The following GUCY1A2 variants were observed in gnomAD, a reference collection of about 807,000 sequenced individuals.
GUCY1A2 encodes the protein guanylate cyclase 1 soluble subunit alpha 2, also known as guanylate cyclase soluble subunit alpha-2.
In GUCY1A2, 27 loss-of-function variants were observed where a neutral mutation model predicts 63.5. The ratio of observed to expected loss-of-function variants is 0.43; its 90% CI spans 0.31 to 0.59. GUCY1A2 has a LOEUF of 0.59. Ranked by LOEUF, GUCY1A2 falls within the 20% of genes least tolerant of loss-of-function variation. The probability of loss-of-function intolerance (pLI) is 0.11; values close to 1 mark genes in which losing one functional copy is unlikely to be tolerated. For missense variants in GUCY1A2, 768 were observed against 913.3 expected (o/e 0.84, Z 2.05); for synonymous variants, 364 against 343.5 (o/e 1.06, Z -0.66).
chr11:106,798,861 G>C (rs1400862878), intron 5 of GUCY1A2, among the ~76,000 whole-genome samples: 7 of 151,964 alleles, frequency 4.6e-5, no homozygotes, highest in Admixed American at 4.6e-4. Context: ...GCACAAGACA[G>C]GGATGCCCTC....
chr11:106,854,687 T>C (rs1859403613), intron 4 of GUCY1A2, among the ~76,000 whole-genome samples: 1 of 151,842 alleles, frequency 6.6e-6, no homozygotes, highest in South Asian at 2.1e-4. Context: ...CAGCTATGAG[T>C]GGGGCAGGCC....
At chr11:106,777,034 G>GTTCT (rs1387638635) in intron 5 of GUCY1A2, among the ~76,000 whole-genome samples, 52 of 152,190 alleles carry the variant, frequency 3.4e-4, no homozygotes, top group African/African-American at 1.2e-3. Context: ...CGTCAGGTCT[G>GTTCT]TTCTTTCTTA....
At chr11:106,951,892 C>A (rs762124507) in intron 3 of GUCY1A2, among the ~76,000 whole-genome samples, 1 of 152,176 alleles carries the variant, frequency 6.6e-6, no homozygotes, top group Admixed American at 6.6e-5. Flanking sequence ...AGTCTTCAAT[C>A]CATCTTGAGT....
In GUCY1A2 at chr11:106,914,143, G is replaced by T. The variant is rs1312052096; in HGVS notation, c.1206+25317C>A. Reference sequence around the variant, plus strand: ...GGCAAGTAAAACAAGCAACTGTGTAGTAAGTATATTACACTGAATACTATG... The same window carrying T: ...GGCAAGTAAAACAAGCAACTGTGTATTAAGTATATTACACTGAATACTATG... On this transcript the variant is annotated intron_variant, in intron 4 of 7. Coordinates refer to ENST00000526355, the MANE Select transcript of GUCY1A2 (RefSeq NM_000855.3). 2.6e-5 allele frequency among the ~76,000 whole-genome samples: 4 copies of T among 151,990 alleles called. No individual in the cohort carries two copies. The East Asian group carries it at 5.8e-4, about 22-fold the overall frequency.
At chr11:106,759,119 C>A (rs1344098531) in intron 6 of GUCY1A2, among the ~76,000 whole-genome samples, 1 of 149,444 alleles carries the variant, frequency 6.7e-6, no homozygotes, top group African/African-American at 2.5e-5. Flanking sequence ...ACCCATGTAA[C>A]AAACATGCAC....
chr11:106,725,951 C>T (rs1194412512), intron 6 of GUCY1A2, among the ~76,000 whole-genome samples: 1 of 151,926 alleles, frequency 6.6e-6, no homozygotes, highest in Non-Finnish European at 1.5e-5. Context: ...AAAAGTAGAT[C>T]TTACCCATTG....
rs186471890 is a variant in GUCY1A2 at position 106,769,895 on chromosome 11, A to C, written c.1836+6544T>G. On this transcript the variant is annotated intron_variant, in intron 6 of 7. Transcript: ENST00000526355. Reference sequence around the variant, plus strand: ...AATCTCAATGTGATTAAAAAGTACTAACTTGAGTTTTATAAATAAATAATT... The same window carrying C: ...AATCTCAATGTGATTAAAAAGTACTCACTTGAGTTTTATAAATAAATAATT... Among the ~76,000 whole-genome samples, 129 of 152,252 alleles carry C rather than the reference A, an allele frequency of 8.5e-4. 3 individuals are homozygous for C. The East Asian group carries it at 0.022, about 26-fold the overall frequency.
chr11:106,737,165 A>G (rs924952002), intron 6 of GUCY1A2, among the ~76,000 whole-genome samples: 1 of 152,196 alleles, frequency 6.6e-6, no homozygotes, highest in Non-Finnish European at 1.5e-5. Flanking sequence ...ACAAAAATTT[A>G]TCAGTTTTAT....
chr11:106,907,864 A>C (rs908568529), intron 4 of GUCY1A2, among the ~76,000 whole-genome samples: 2 of 152,076 alleles, frequency 1.3e-5, no homozygotes, highest in Non-Finnish European at 2.9e-5. Flanking sequence ...CGCAATAAAC[A>C]TATGTGTGCA....
intron 6 of GUCY1A2, among the ~76,000 whole-genome samples, chr11:106,745,264 C>G (rs989440064): frequency 1.3e-5 from 2 of 152,176 alleles, no homozygotes; most frequent in Non-Finnish European, 2.9e-5. Flanking sequence ...CTAAACCCCA[C>G]AGTGTTCTAG....
chr11:106,798,034 G>T (rs1339544391), intron 5 of GUCY1A2, among the ~76,000 whole-genome samples: 1 of 152,006 alleles, frequency 6.6e-6, no homozygotes, highest in Non-Finnish European at 1.5e-5. Flanking sequence ...GACTAAAAAA[G>T]AAGAAAAGAA....
intron 1 of GUCY1A2, among the ~76,000 whole-genome samples, chr11:106,991,950 T>C (rs1861475263): frequency 1.3e-5 from 2 of 152,180 alleles, no homozygotes; most frequent in South Asian, 4.1e-4. Context: ...CATCACCACA[T>C]GAGGTAGGTG....
intron 4 of GUCY1A2, among the ~76,000 whole-genome samples, chr11:106,833,974 TACA>T (rs1156884739): frequency 6.6e-5 from 10 of 152,062 alleles, no homozygotes; most frequent in African/African-American, 2.4e-4. Context: ...ATTCAATGTG[TACA>T]ACATCATGTT....
At chr11:106,927,464 ACAC>A (rs1860542073) in intron 4 of GUCY1A2, among the ~76,000 whole-genome samples, 1 of 152,172 alleles carries the variant, frequency 6.6e-6, no homozygotes, top group South Asian at 2.1e-4. Context: ...GGGGATAAGA[ACAC>A]AAACTTCACA....
At chr11:107,017,371 C>CG (rs1466846462) in intron 1 of GUCY1A2, among the ~76,000 whole-genome samples, 2 of 152,094 alleles carry the variant, frequency 1.3e-5, no homozygotes, top group African/African-American at 4.8e-5. Flanking sequence ...GGATGAAAGA[C>CG]AGGGAAGCTG....
Position 106,995,406 on chromosome 11 carries a change from C to T in GUCY1A2, c.304-9275G>A, listed in dbSNP as rs1861522450. Among the ~76,000 whole-genome samples the T allele has an allele frequency of 2.0e-5, 3 of 152,186 alleles. No individual in the cohort carries two copies. The South Asian group carries it at 6.2e-4, about 31-fold the overall frequency. ...GAGTCACAATCCAATCTAGGTCTGA[C>T]TCCCTCCAAAATCTCCAACCCCTTA... On this transcript the variant is annotated intron_variant, in intron 1 of 7. Coordinates refer to ENST00000526355, the MANE Select transcript of GUCY1A2 (RefSeq NM_000855.3).
At chr11:107,005,912 G>T (rs1401756430) in intron 1 of GUCY1A2, among the ~76,000 whole-genome samples, 7 of 152,164 alleles carry the variant, frequency 4.6e-5, no homozygotes, top group Admixed American at 4.6e-4. Flanking sequence ...GTATTATCTA[G>T]AGACTTTGCC....
intron 6 of GUCY1A2, among the ~76,000 whole-genome samples, chr11:106,761,277 C>T (rs994296196): frequency 6.6e-6 from 1 of 152,222 alleles, no homozygotes; most frequent in Admixed American, 6.5e-5. Flanking sequence ...CTTTTAAAAG[C>T]TTACAAAATG....
At chr11:106,800,065 C>A (rs1434271681) in intron 5 of GUCY1A2, among the ~76,000 whole-genome samples, 1 of 151,984 alleles carries the variant, frequency 6.6e-6, no homozygotes, top group East Asian at 1.9e-4. Flanking sequence ...ACCCCATCAA[C>A]AAGTGGGCGA....
Sources: allele counts gnomAD v4.1 joint callset (sites outside exome capture counted in the v4.1 genomes callset), GRCh38; gene constraint gnomAD v4.1.1; transcripts MANE v1.5; gene names NCBI Gene and HGNC (gene_info 2026-07-23, HGNC 2026-07-21).